The following TAFA2 variants were observed in gnomAD, a reference collection of about 807,000 sequenced individuals.
The protein encoded by TAFA2 is TAFA chemokine like family member 2.
TAFA2 carries 7 observed loss-of-function variants against 18.8 expected under a neutral mutation model. The observed-to-expected ratio is 0.37, with a 90% confidence interval of 0.21 to 0.70. The LOEUF is 0.70. Ranked by LOEUF, TAFA2 falls within the 30% of genes least tolerant of loss-of-function variation. The pLI, the probability that TAFA2 is intolerant of heterozygous loss-of-function variation, is 0.53. For missense variants in TAFA2, 122 were observed against 158.1 expected, an observed-to-expected ratio of 0.77 and a Z score of 1.23; for synonymous variants, 60 against 54.2, an observed-to-expected ratio of 1.11 and a Z score of -0.47.
At chr12:62,134,928 C>T (rs2136899593) in intron 1 of TAFA2, among the ~76,000 whole-genome samples, 1 of 152,072 alleles carries the variant, frequency 6.6e-6, no homozygotes, top group South Asian at 2.1e-4. Flanking sequence ...TACTTTCTTC[C>T]TGATCTCATC....
chr12:62,200,514 C>T (rs1467666913), intron 1 of TAFA2, among the ~76,000 whole-genome samples: 1 of 152,192 alleles, frequency 6.6e-6, no homozygotes, highest in East Asian at 1.9e-4. Context: ...ACAGGGTATC[C>T]TTTCCCTATT....
chr12:62,005,284 G>C (rs1880509694), intron 1 of TAFA2, among the ~76,000 whole-genome samples: 1 of 151,944 alleles, frequency 6.6e-6, no homozygotes, highest in South Asian at 2.1e-4. Flanking sequence ...AAAACATTAT[G>C]CAATATACCA....
intron 1 of TAFA2, among the ~76,000 whole-genome samples, chr12:62,145,994 C>T (rs2062278240): frequency 6.6e-6 from 1 of 152,196 alleles, no homozygotes; most frequent in Non-Finnish European, 1.5e-5. Flanking sequence ...CCTTCCTTGC[C>T]ATGCCAAATG....
intron 1 of TAFA2, among the ~76,000 whole-genome samples, chr12:61,943,949 C>T (rs1395451751): frequency 5.6e-5 from 8 of 143,614 alleles, no homozygotes; most frequent in Admixed American, 1.4e-4. Context: ...CTGCACCAAG[C>T]GGACCTAATA....
intron 2 of TAFA2, among the ~76,000 whole-genome samples, chr12:61,808,641 T>C (rs1871729478): frequency 6.6e-6 from 1 of 151,360 alleles, no homozygotes; most frequent in African/African-American, 2.5e-5. Flanking sequence ...TCCATGTTTT[T>C]AAAAGCCTTT....
At chr12:62,190,581 C>T (rs1388089221) in intron 1 of TAFA2, among the ~76,000 whole-genome samples, 1 of 152,230 alleles carries the variant, frequency 6.6e-6, no homozygotes, top group Non-Finnish European at 1.5e-5. Flanking sequence ...TTTACTAAAG[C>T]TCTCTTGTAG....
intron 2 of TAFA2, chr12:61,776,063 G>T: frequency 2.3e-6 from 1 of 430,648 alleles, no homozygotes; most frequent in South Asian, 2.0e-5. Context: ...AATGGGTACT[G>T]TAAAAAGAAA....
chr12:62,217,170 C>T (rs1428435574), intron 1 of TAFA2, among the ~76,000 whole-genome samples: 1 of 152,184 alleles, frequency 6.6e-6, no homozygotes, highest in Non-Finnish European at 1.5e-5. Flanking sequence ...TGAAAGGCTA[C>T]AAGCTTTGAG....
At chr12:62,164,235 G>A (rs951691117) in intron 1 of TAFA2, among the ~76,000 whole-genome samples, 6 of 152,020 alleles carry the variant, frequency 3.9e-5, no homozygotes, top group African/African-American at 1.2e-4. Flanking sequence ...GGTTTTTGAA[G>A]GGCAGCCAAA....
intron 1 of TAFA2, among the ~76,000 whole-genome samples, chr12:62,178,057 TG>T (rs929124344): frequency 1.4e-4 from 22 of 152,092 alleles, no homozygotes; most frequent in Admixed American, 8.5e-4. Flanking sequence ...CACAGCACTT[TG>T]GGAGGCTGAG....
chr12:62,117,495 G>A (rs1199443670), intron 1 of TAFA2, among the ~76,000 whole-genome samples: 5 of 152,090 alleles, frequency 3.3e-5, no homozygotes, highest in African/African-American at 4.8e-5. Context: ...TATTCAGCCT[G>A]GGACCCCACA....
intron 1 of TAFA2, among the ~76,000 whole-genome samples, chr12:62,060,250 T>C (rs1218856840): frequency 3.9e-5 from 6 of 152,184 alleles, no homozygotes; most frequent in Admixed American, 3.9e-4. Context: ...ATGTTGCAAA[T>C]AATAAATACA....
chr12:61,730,430 T>C (rs1470321843), intron 4 of TAFA2, among the ~76,000 whole-genome samples: 2 of 152,042 alleles, frequency 1.3e-5, no homozygotes. Context: ...GTCTCCTGAA[T>C]AAGTATTGGG....
intron 1 of TAFA2, among the ~76,000 whole-genome samples, chr12:61,988,698 G>T (rs771879523): frequency 1.1e-4 from 16 of 152,034 alleles, no homozygotes; most frequent in Non-Finnish European, 2.1e-4. Context: ...GAAAACTAAG[G>T]TTTAGTGATG....
At chr12:61,857,889 GA>G (rs894348051) in intron 2 of TAFA2, among the ~76,000 whole-genome samples, 4 of 151,906 alleles carry the variant, frequency 2.6e-5, no homozygotes, top group Admixed American at 6.6e-5. Flanking sequence ...AGACCCAGGG[GA>G]AAAAAAAGAG....
chr12:61,800,272 T>C (rs1029125569), intron 2 of TAFA2, among the ~76,000 whole-genome samples: 2 of 152,186 alleles, frequency 1.3e-5, no homozygotes, highest in African/African-American at 4.8e-5. Context: ...TTGGTAATAT[T>C]CTTGGCTGAG....
chr12:62,008,311 T>A (rs757765998), intron 1 of TAFA2, among the ~76,000 whole-genome samples: 6 of 152,170 alleles, frequency 3.9e-5, no homozygotes, highest in Non-Finnish European at 8.8e-5. Flanking sequence ...CTATAAATAA[T>A]CTATAAAAAT....
chr12:61,804,475 C>T (rs1283176263), intron 2 of TAFA2, among the ~76,000 whole-genome samples: 1 of 152,034 alleles, frequency 6.6e-6, no homozygotes, highest in African/African-American at 2.4e-5. Context: ...AGTACTTCAA[C>T]TAGCTCCTAC....
At chr12:61,963,783 C>G (rs368304776) in intron 1 of TAFA2, among the ~76,000 whole-genome samples, 1 of 151,890 alleles carries the variant, frequency 6.6e-6, no homozygotes, top group Admixed American at 6.6e-5. Flanking sequence ...CAATCCTAAC[C>G]AAAAAGAACA....
Sources: gnomAD v4.1 joint callset for allele counts (sites outside exome capture counted in the v4.1 genomes callset) on GRCh38, gnomAD v4.1.1 for gene constraint, MANE v1.5 for transcripts, NCBI Gene and HGNC (gene_info 2026-07-23, HGNC 2026-07-21) for gene names.